GRM5: variants seen among roughly 807,000 people sequenced by gnomAD.
The protein encoded by GRM5 is glutamate metabotropic receptor 5.
In GRM5, 19 loss-of-function variants were observed where a neutral mutation model predicts 83.1. The observed-to-expected ratio is 0.23, with a 90% confidence interval of 0.16 to 0.34. The LOEUF is 0.34. GRM5 is among the 10% of genes least tolerant of loss of function. The probability of loss-of-function intolerance (pLI) is 1.00; values close to 1 mark genes in which losing one functional copy is unlikely to be tolerated. For synonymous variants in GRM5, 675 were observed against 633.6 expected, an observed-to-expected ratio of 1.07 and a Z score of -0.98; for missense variants, 1,160 against 1,588.3, an observed-to-expected ratio of 0.73 and a Z score of 4.58.
chr11:88,803,423 C>T (rs1407573120), intron 3 of GRM5, among the ~76,000 whole-genome samples: 2 of 152,068 alleles, frequency 1.3e-5, no homozygotes, highest in African/African-American at 4.8e-5. Context: ...TTGAGAAAAA[C>T]AAGCAATGGG....
intron 2 of GRM5, among the ~76,000 whole-genome samples, chr11:88,959,653 C>A (rs1037586068): frequency 6.6e-6 from 1 of 152,132 alleles, no homozygotes; most frequent in African/African-American, 2.4e-5. Context: ...TACTAACACC[C>A]TTCCTTCCCT....
chr11:88,836,553 A>G (rs1944098518), intron 3 of GRM5, among the ~76,000 whole-genome samples: 1 of 152,174 alleles, frequency 6.6e-6, no homozygotes, highest in Admixed American at 6.5e-5. Flanking sequence ...TAATCTCAGC[A>G]CTTTGGGAAG....
intron 3 of GRM5, among the ~76,000 whole-genome samples, chr11:88,831,841 C>T (rs1417740256): frequency 6.6e-6 from 1 of 152,188 alleles, no homozygotes. Flanking sequence ...TATCTACCTA[C>T]CTGCCCAATG....
chr11:88,833,275 A>T (rs1388917004), intron 3 of GRM5, among the ~76,000 whole-genome samples: 1 of 151,852 alleles, frequency 6.6e-6, no homozygotes, highest in African/African-American at 2.4e-5. Context: ...AAAAAAACTA[A>T]CTCCCGCTGC....
At chr11:88,777,447 C>T (rs935226010) in intron 3 of GRM5, among the ~76,000 whole-genome samples, 3 of 152,306 alleles carry the variant, frequency 2.0e-5, no homozygotes, top group African/African-American at 7.2e-5. Flanking sequence ...GTCAAATCGT[C>T]AAAGTCATTC....
Position 88,509,302 on chromosome 11 carries a change from T to C in GRM5, c.2929A>G (p.Thr977Ala), listed in dbSNP as rs776979098. The C allele has an allele frequency of 4.5e-6, 7 of 1,543,328 alleles. No individual in the cohort carries two copies. The highest frequency in any genetic ancestry group is 2.0e-5 in the Admixed American group (1 of 49,960). The change falls in exon 10 of 10, where the codon ACG (threonine) becomes GCG (alanine). Residue 977 changes from threonine (T) to alanine (A), a missense_variant. Around this residue, in one of 9 missense-constraint regions of GRM5, gnomAD observed 562 missense variants for 532.4 expected, o/e 1.06. Coordinates refer to ENST00000305447, the MANE Select transcript of GRM5 (RefSeq NM_001143831.3). ...GCGCCTGCGCAGCCCGCACCGCCCG[T>C]GGCCCCCACGCCCCCAGCGCTCCCG... Reference protein sequence around the residue: ...AGGSAGGVGATGGAGCAGAGP... With the variant: ...AGGSAGGVGAAGGAGCAGAGP...
At chr11:88,986,069 AC>A (rs1416134231) in intron 2 of GRM5, among the ~76,000 whole-genome samples, 1 of 152,186 alleles carries the variant, frequency 6.6e-6, no homozygotes, top group Non-Finnish European at 1.5e-5. Flanking sequence ...AAATGTGTAC[AC>A]AAATGATTAT....
chr11:88,510,399 A>C (rs55662995), intron 9 of GRM5, among the ~76,000 whole-genome samples: 7,062 of 152,258 alleles, frequency 0.046, 528 homozygotes, highest in African/African-American at 0.16. Flanking sequence ...CCTCAGCCTC[A>C]GCGCCCTAGT....
intron 6 of GRM5, among the ~76,000 whole-genome samples, chr11:88,592,889 C>G (rs536735643): frequency 1.3e-5 from 2 of 152,132 alleles, no homozygotes; most frequent in African/African-American, 4.8e-5. Flanking sequence ...TCTTGGCTCA[C>G]GGCAGCCTTG....
At chr11:88,563,869 C>T (rs1394846009) in intron 8 of GRM5, among the ~76,000 whole-genome samples, 1 of 152,126 alleles carries the variant, frequency 6.6e-6, no homozygotes, top group Non-Finnish European at 1.5e-5. Context: ...CCTGCATAAC[C>T]AGCTATATCC....
chr11:88,779,510 A>T (rs1002525325), intron 3 of GRM5, among the ~76,000 whole-genome samples: 2 of 152,162 alleles, frequency 1.3e-5, no homozygotes, highest in Non-Finnish European at 2.9e-5. Flanking sequence ...CAAACCCCCA[A>T]TTATCTGAAA....
chr11:88,642,547 A>G (rs756570146), intron 4 of GRM5, among the ~76,000 whole-genome samples: 2 of 152,092 alleles, frequency 1.3e-5, no homozygotes, highest in Non-Finnish European at 2.9e-5. Context: ...TCCAACTTTT[A>G]TGTTCTTCTT....
intron 3 of GRM5, among the ~76,000 whole-genome samples, chr11:88,680,332 G>A (rs1940447675): frequency 6.6e-6 from 1 of 152,066 alleles, no homozygotes; most frequent in Non-Finnish European, 1.5e-5. Context: ...AGAACACGTG[G>A]TGTTTGGTTT....
chr11:89,003,539 C>T (rs573730348), intron 2 of GRM5, among the ~76,000 whole-genome samples: 1 of 152,154 alleles, frequency 6.6e-6, no homozygotes, highest in Admixed American at 6.5e-5. Flanking sequence ...GCTAGATGGC[C>T]TGGAGAACTC....
chr11:88,624,702 A>C (rs1938741088), intron 4 of GRM5, among the ~76,000 whole-genome samples: 1 of 152,204 alleles, frequency 6.6e-6, no homozygotes, highest in African/African-American at 2.4e-5. Context: ...AAATTTAAAA[A>C]TTCAGGCATC....
chr11:88,590,778 A>T (rs996343026), intron 6 of GRM5, 51 bp from the exon 7 acceptor site: 1 of 1,472,116 alleles, frequency 6.8e-7, no homozygotes, highest in African/African-American at 1.4e-5. Flanking sequence ...ATAAAAATCC[A>T]ACAATTCTAT....
At chr11:88,858,390 G>A (rs1944507904) in intron 2 of GRM5, among the ~76,000 whole-genome samples, 1 of 151,856 alleles carries the variant, frequency 6.6e-6, no homozygotes, top group South Asian at 2.1e-4. Flanking sequence ...TACTAACCAG[G>A]GCTACTGAAT....
chr11:88,928,911 C>CAT (rs1945839301), intron 2 of GRM5, among the ~76,000 whole-genome samples: 1 of 29,220 alleles, frequency 3.4e-5, no homozygotes, highest in Non-Finnish European at 1.1e-4. Context: ...TGTATATACA[C>CAT]ACACACACAC....
At chr11:89,014,515 G>C (rs1940799873) in intron 2 of GRM5, among the ~76,000 whole-genome samples, 1 of 152,030 alleles carries the variant, frequency 6.6e-6, no homozygotes, top group African/African-American at 2.4e-5. Context: ...GGTTACCAGA[G>C]GCTGGGAAGG....
Sources: gnomAD v4.1 joint callset for allele counts (sites outside exome capture counted in the v4.1 genomes callset) on GRCh38, gnomAD v4.1.1 for gene constraint, gnomAD v4.1.1 regional missense constraint, MANE v1.5 for transcripts, NCBI Gene and HGNC (gene_info 2026-07-23, HGNC 2026-07-21) for gene names.